Variants in VPS54 observed in about 807,000 individuals in gnomAD.
VPS54 encodes the protein VPS54 subunit of GARP complex.
Under a neutral mutation model 121.5 loss-of-function variants are expected in VPS54, and 45 were observed. The observed-to-expected ratio is 0.37, with a 90% CI of 0.29 to 0.47. The LOEUF (loss-of-function observed/expected upper bound fraction) is 0.47. VPS54 is among the 20% of genes least tolerant of loss of function. VPS54 has a pLI of 0.99. For missense variants in VPS54, 1,090 were observed against 1,131.4 expected, an observed-to-expected ratio of 0.96 and a Z score of 0.52; for synonymous variants, 371 against 385.8, an observed-to-expected ratio of 0.96 and a Z score of 0.45.
chr2:63,993,821 G>A (rs1677446079), intron 1 of VPS54, among the ~76,000 whole-genome samples: 3 of 152,186 alleles, frequency 2.0e-5, no homozygotes, highest in South Asian at 4.1e-4. Context: ...AGTGTTCACT[G>A]ATGGCTCCAG....
intron 20 of VPS54, among the ~76,000 whole-genome samples, chr2:63,905,970 CA>C (rs1452530691): frequency 6.6e-6 from 1 of 152,090 alleles, no homozygotes; most frequent in Non-Finnish European, 1.5e-5. Flanking sequence ...AAGTATTTGA[CA>C]AAATTCAACA....
At chr2:63,944,556 C>A in intron 10 of VPS54, 44 bp downstream of exon 10, 2 of 1,521,794 alleles carry the variant, frequency 1.3e-6, no homozygotes, top group Admixed American at 1.8e-5. Context: ...CATCTATCAT[C>A]TTTTCTCTGA....
chr2:63,950,054 T>G (rs1433004870), intron 7 of VPS54, among the ~76,000 whole-genome samples: 1 of 152,212 alleles, frequency 6.6e-6, no homozygotes, highest in African/African-American at 2.4e-5. Context: ...TCCTCTGTTG[T>G]GGTACCTATT....
chr2:63,923,308 A>G (rs888106782), intron 12 of VPS54, among the ~76,000 whole-genome samples: 2 of 150,710 alleles, frequency 1.3e-5, no homozygotes, highest in African/African-American at 2.4e-5. Flanking sequence ...GGAGTGAGGA[A>G]AAAAAAAAAG....
rs374480175 is a variant in VPS54 at position 63,933,988 on chromosome 2, A to C, written c.1424T>G (p.Val475Gly). 3.9e-5 allele frequency: 63 copies of C among 1,612,986 alleles called. No individual in the cohort carries two copies. The highest frequency in any genetic ancestry group is 9.4e-5 in the African/African-American group (7 of 74,854). Residue 475 changes from valine (V) to glycine (G), a missense_variant, in exon 12 of 23, where the codon GTT becomes GGT. This residue lies in a region of VPS54 where 801 missense variants were observed against 757.0 expected (regional missense o/e 1.06). Transcript: ENST00000272322. ...VKATLNIIHS[V>G]VLSVLDKNQR... The stretch of plus-strand genomic sequence containing the variant: ...GTTTTTGTCAAGAACTGAGAGAACA[A>C]CACTGTGAATGATATTTAATGTTGC...
intron 7 of VPS54, among the ~76,000 whole-genome samples, chr2:63,950,459 CAG>C (rs1221090703): frequency 6.6e-6 from 1 of 151,988 alleles, no homozygotes; most frequent in Non-Finnish European, 1.5e-5. Context: ...TCTGGGTGGA[CAG>C]GGGCATTGTT....
intron 20 of VPS54, among the ~76,000 whole-genome samples, chr2:63,905,470 C>G (rs922166043): frequency 6.6e-6 from 1 of 151,262 alleles, no homozygotes; most frequent in Non-Finnish European, 1.5e-5. Context: ...AAACAAACTT[C>G]CAAAGTGTAC....
intron 20 of VPS54, among the ~76,000 whole-genome samples, chr2:63,899,959 G>C (rs1341996219): frequency 6.6e-6 from 1 of 152,154 alleles, no homozygotes; most frequent in Non-Finnish European, 1.5e-5. Flanking sequence ...AAGAAAGCAA[G>C]ACAGTGCTTG....
chr2:63,994,796 G>C (rs1000357477), intron 1 of VPS54, among the ~76,000 whole-genome samples: 21 of 152,238 alleles, frequency 1.4e-4, no homozygotes, highest in African/African-American at 4.8e-4. Context: ...CCTTAATTTG[G>C]GAAGATTGTG....
rs1181395057 is a variant in VPS54, at chr2:63,913,917, G to A, written c.2334+265C>T. The A allele has an allele frequency of 4.6e-5, 57 of 1,245,786 alleles. No homozygotes were observed. The South Asian group carries it at 9.2e-4, about 20-fold the overall frequency. The allele number at this position is 1,245,786 out of a possible 1,614,324, so 77.2% of individuals were successfully genotyped here. A position where few individuals can be genotyped will look rare whatever the true frequency, so the allele number is the denominator to read the frequency against. On this transcript the variant is annotated intron_variant, in intron 17 of 22. Transcript: ENST00000272322. ...TTTTGACCTAAGTGGCCTCAGTCAT[G>A]TTCAGCACCTAACGAACAAATCATC...
chr2:63,996,641 A>G (rs1677608198), intron 1 of VPS54, among the ~76,000 whole-genome samples: 1 of 152,162 alleles, frequency 6.6e-6, no homozygotes, highest in Admixed American at 6.5e-5. Context: ...CCCAGTAAGG[A>G]ATATTAATAA....
chr2:63,983,756 T>TTAACA, intron 2 of VPS54, 108 bp downstream of exon 2: 1 of 1,395,246 alleles, frequency 7.2e-7, no homozygotes, highest in Non-Finnish European at 9.5e-7. Context: ...CAAATGATTT[T>TTAACA]TAACATCATA....
rs973833511 is a variant in VPS54 at position 63,939,794 on chromosome 2, C to T, written c.1398+2671G>A. Among the ~76,000 whole-genome samples the T allele has an allele frequency of 2.7e-4, 41 of 151,094 alleles. 1 individual carries two copies. Among genetic ancestry groups the T allele is most frequent in the Middle Eastern group, 3.4e-3 (1 of 294 alleles). ...TTTTTTTTTTTAAGACGGAGTCTTG[C>T]TCCGTCACCAGGCTGGAGTACAGTA... On this transcript the variant is annotated intron_variant, in intron 11 of 22. Coordinates refer to ENST00000272322, the MANE Select transcript of VPS54 (RefSeq NM_016516.3).
intron 1 of VPS54, among the ~76,000 whole-genome samples, chr2:63,994,461 G>C (rs956036038): frequency 1.3e-5 from 2 of 152,158 alleles, no homozygotes; most frequent in Non-Finnish European, 2.9e-5. Context: ...CTACACTAAT[G>C]ATAGTGTGTG....
intron 7 of VPS54, among the ~76,000 whole-genome samples, chr2:63,956,552 G>A (rs1279746782): frequency 5.9e-5 from 9 of 152,064 alleles, no homozygotes; most frequent in Non-Finnish European, 8.8e-5. Flanking sequence ...TGATCTATTT[G>A]AGGCCCCATA....
At chr2:63,957,185 G>A (rs1383255611) in intron 7 of VPS54, among the ~76,000 whole-genome samples, 1 of 152,078 alleles carries the variant, frequency 6.6e-6, no homozygotes, top group Non-Finnish European at 1.5e-5. Flanking sequence ...GCTCACACCT[G>A]TAATCCCAGC....
intron 6 of VPS54, among the ~76,000 whole-genome samples, 153 bp from the exon 7 acceptor site, chr2:63,962,596 C>G (rs2104562379): frequency 6.6e-6 from 1 of 152,172 alleles, no homozygotes. Context: ...TTGGGCACAA[C>G]AAAATGGAAG....
chr2:63,962,040 C>T lies in VPS54; in HGVS notation c.1010+18G>A, dbSNP rs1675793070. On this transcript the variant is annotated intron_variant, in intron 7 of 22. Coordinates refer to ENST00000272322, the MANE Select transcript of VPS54 (RefSeq NM_016516.3). Reference sequence around the variant, plus strand: ...AAATTTCTAACATTATTTCTAGTGGCTTACTTAATGAACATACCGGAAACT... The same window carrying T: ...AAATTTCTAACATTATTTCTAGTGGTTTACTTAATGAACATACCGGAAACT... 6.6e-7 allele frequency: 1 copy of T among 1,506,144 alleles called. No homozygotes were observed. The highest frequency in any genetic ancestry group is 8.9e-7 in the Non-Finnish European group (1 of 1,123,462). 93.3% of individuals were successfully genotyped at this position (1,506,144 alleles called of 1,614,324 possible).
intron 15 of VPS54, 37 bp downstream of exon 15, chr2:63,919,846 T>A: frequency 6.8e-7 from 1 of 1,462,110 alleles, no homozygotes; most frequent in Non-Finnish European, 9.3e-7. Context: ...ATAAACAATA[T>A]AAAATTGAAA....
Sources: gnomAD v4.1 joint callset for allele counts (sites outside exome capture counted in the v4.1 genomes callset) on GRCh38, gnomAD v4.1.1 for gene constraint, gnomAD v4.1.1 regional missense constraint, MANE v1.5 for transcripts, NCBI Gene and HGNC (gene_info 2026-07-23, HGNC 2026-07-21) for gene names.